AGBL5: variants seen among roughly 807,000 people sequenced by gnomAD.
AGBL5 encodes the protein AGBL carboxypeptidase 5, also known as cytosolic carboxypeptidase-like protein 5.
AGBL5 carries 51 observed loss-of-function variants against 88.0 expected under a neutral mutation model. That is an observed-to-expected ratio of 0.58 (90% CI 0.46 to 0.73). The LOEUF (loss-of-function observed/expected upper bound fraction) is 0.73, where lower values mean the gene tolerates loss of function less well. Ranked by LOEUF, AGBL5 falls within the 30% of genes least tolerant of loss-of-function variation. The pLI is 0.00. For synonymous variants in AGBL5, 446 were observed against 438.8 expected (o/e 1.02, Z -0.21); for missense variants, 1,031 against 1,162.2 (o/e 0.89, Z 1.64).
chr2:27,060,512 A>T (rs1051938067), intron 11 of AGBL5, among the ~76,000 whole-genome samples: 2 of 152,228 alleles, frequency 1.3e-5, no homozygotes, highest in Non-Finnish European at 2.9e-5. Context: ...TCTTGCCCAG[A>T]GTATGGAGGC....
At chr2:27,060,242 C>T (rs967025366) in intron 11 of AGBL5, among the ~76,000 whole-genome samples, 1 of 152,182 alleles carries the variant, frequency 6.6e-6, no homozygotes, top group Non-Finnish European at 1.5e-5. Context: ...GTATAAAATG[C>T]AGCAGTCTAG....
intron 6 of AGBL5, 87 bp from the exon 7 acceptor site, chr2:27,055,595 C>T: frequency 8.1e-7 from 1 of 1,227,844 alleles, no homozygotes; most frequent in Non-Finnish European, 1.1e-6. Context: ...ATAAGTCAGT[C>T]TCCTACGGTC....
In AGBL5 at chr2:27,057,342, A is replaced by G. The variant is rs1408422244; in HGVS notation, c.1575A>G (p.Val525=). The G allele has an allele frequency of 8.1e-6, 13 of 1,614,096 alleles. No individual in the cohort carries two copies. Among genetic ancestry groups the G allele is most frequent in the Non-Finnish European group, 1.1e-5 (13 of 1,179,968 alleles). ...GCAACTACAACACTGGACGCTCAGT[A>G]AACAGCATCCCTGCTGCCTGCCATG... is the stretch of plus-strand genomic sequence containing the variant. The part of the protein sequence containing the change: ...LECNYNTGRS[V]NSIPAACHDN... The change falls in exon 9 of 15, where the codon GTA becomes GTG. Residue 525 remains valine (V), a synonymous_variant. Transcript: ENST00000360131.
At chr2:27,057,118 G>A (rs923873303) in intron 8 of AGBL5, 185 bp from the exon 9 acceptor site, 11 of 622,110 alleles carry the variant, frequency 1.8e-5, no homozygotes, top group Non-Finnish European at 2.7e-5. Context: ...CTCTACCTTG[G>A]GGGGACTCTC....
rs1668548337 is a variant in AGBL5, at chr2:27,058,473, A to G, written c.1745A>G (p.Glu582Gly). 3 of 1,614,128 alleles carry G rather than the reference A, an allele frequency of 1.9e-6. No individual in the cohort carries two copies. Among genetic ancestry groups the G allele is most frequent in the Non-Finnish European group, 2.5e-6 (3 of 1,180,034 alleles). ...CCGTGGCCCCGAATTGTACTGTCAG[A>G]GCACAGCAGCCTTACTAATCTACGG... ...CNPWPRIVLS[E>G]HSSLTNLRAW... is the part of the protein sequence containing the mutation. The change falls in exon 10 of 15, where the codon GAG (glutamate) becomes GGG (glycine). Residue 582 changes from glutamate (E) to glycine (G), a missense_variant. Physicochemically the swap from Glu to Gly is moderately conservative, Grantham distance 98. Transcript: ENST00000360131.
chr2:27,054,776 C>T lies in AGBL5; in HGVS notation c.698C>T (p.Thr233Ile). Residue 233 changes from threonine to isoleucine, a missense_variant, in exon 5 of 15, where the codon ACC (threonine) becomes ATC (isoleucine). Physicochemically the swap from Thr to Ile is moderately conservative, Grantham distance 89. Transcript: ENST00000360131. Reference sequence around the variant, plus strand: ...GAGCAGCTATTTCCTGATACCAGCACCCCTCGACCATTCCGTTTCGCAGGC... The same window carrying T: ...GAGCAGCTATTTCCTGATACCAGCATCCCTCGACCATTCCGTTTCGCAGGC... ...RLEQLFPDTS[T>I]PRPFRFAGKR... is the part of the protein sequence containing the mutation. 6.2e-7 allele frequency: 1 copy of T among 1,613,236 alleles called. No individual in the cohort carries two copies.
chr2:27,051,192 G>C (rs560434861), upstream of AGBL5, among the ~76,000 whole-genome samples: 1 of 152,156 alleles, frequency 6.6e-6, no homozygotes, highest in Non-Finnish European at 1.5e-5. Flanking sequence ...GTAAGGCAAA[G>C]GGAAAGAACT....
chr2:27,059,981 T>G (rs544959277), intron 11 of AGBL5, among the ~76,000 whole-genome samples: 41 of 152,308 alleles, frequency 2.7e-4, no homozygotes, highest in Admixed American at 2.4e-3. Flanking sequence ...AAACCCCGTC[T>G]CTATTAAAAA....
rs766046695 is a variant in AGBL5, at chr2:27,055,066, C to CTT, written c.730-8_730-7insTT. ...ACTGACTTAATGTCTGCTCTCCTCT[C>CTT]TACCTCAGATATTCTTCTTAAGCAG... is the stretch of plus-strand genomic sequence containing the variant. On this transcript the variant is annotated splice_polypyrimidine_tract_variant and intron_variant, in intron 5 of 14. Coordinates refer to ENST00000360131, the MANE Select transcript of AGBL5 (RefSeq NM_021831.6). 1 of 1,613,142 alleles carries CTT rather than the reference C, an allele frequency of 6.2e-7. No individual in the cohort carries two copies. The highest frequency in any genetic ancestry group is 1.1e-5 in the South Asian group (1 of 91,046).
chr2:27,054,703 A>C lies in AGBL5; in HGVS notation c.625A>C (p.Thr209Pro). The change falls in exon 5 of 15, where the codon ACG becomes CCG. Residue 209 changes from threonine (T) to proline (P), a missense_variant. Around this residue, in one of 2 missense-constraint regions of AGBL5, gnomAD observed 540 missense variants for 678.2 expected, o/e 0.80. Transcript: ENST00000360131. ...SLDGLRVDLLTITSCHGLRED... is the reference protein window; with the variant it reads ...SLDGLRVDLLPITSCHGLRED... ...GGATGGACTTCGTGTAGATCTGCTG[A>C]CGATCACTTCCTGCCATGGGCTTCG... The C allele has an allele frequency of 6.7e-7, 1 of 1,485,368 alleles. No individual in the cohort carries two copies. Among genetic ancestry groups the C allele is most frequent in the Admixed American group, 2.0e-5 (1 of 50,234 alleles). 92.0% of individuals were successfully genotyped at this position (1,485,368 alleles called of 1,614,324 possible).
intron 13 of AGBL5, 113 bp downstream of exon 13, chr2:27,068,857 G>A: frequency 6.6e-7 from 1 of 1,520,114 alleles, no homozygotes; most frequent in East Asian, 2.4e-5. Flanking sequence ...TCTACCCTTG[G>A]CCACATCAGA....
intron 9 of AGBL5, among the ~76,000 whole-genome samples, chr2:27,057,934 G>C (rs945005064): frequency 9.2e-5 from 14 of 152,104 alleles, no homozygotes; most frequent in African/African-American, 3.4e-4. Context: ...AAATTAACTG[G>C]GCATAGTGGC....
intron 14 of AGBL5, 46 bp from the exon 15 acceptor site, chr2:27,070,046 G>A: frequency 6.3e-7 from 1 of 1,584,144 alleles, no homozygotes. Flanking sequence ...AACAGAAGAG[G>A]AGGAGAGTTT....
chr2:27,054,507 G>A (rs1385429018), intron 4 of AGBL5, 123 bp from the exon 5 acceptor site: 1 of 863,058 alleles, frequency 1.2e-6, no homozygotes, highest in South Asian at 1.7e-5. Context: ...CATTGTGAGG[G>A]ACTATAAGGC....
intron 13 of AGBL5, chr2:27,068,967 T>C: frequency 1.3e-6 from 2 of 1,487,482 alleles, no homozygotes; most frequent in East Asian, 2.7e-5. Flanking sequence ...CCTGTGTCCC[T>C]GCCAGATATA....
At chr2:27,069,803 T>G in intron 14 of AGBL5, 97 bp downstream of exon 14, 3 of 1,509,036 alleles carry the variant, frequency 2.0e-6, no homozygotes, top group Non-Finnish European at 2.7e-6. Flanking sequence ...CCCTACTCCT[T>G]TTGAGCACAA....
At position 27,053,495 on chromosome 2, in the gene AGBL5, C is replaced by T. The variant is rs1286531759; in HGVS notation, c.309C>T (p.Ser103=). The T allele has an allele frequency of 6.2e-7, 1 of 1,614,136 alleles. No individual in the cohort carries two copies. The highest frequency in any genetic ancestry group is 8.5e-7 in the Non-Finnish European group (1 of 1,180,044). Residue 103 remains serine (S), a synonymous_variant, in exon 3 of 15, where the codon TCC becomes TCT. Transcript: ENST00000360131. This position sits in a 1 kb window ranked among gnomAD's most constrained non-coding sequence, Gnocchi z 4.9. ...MNMNKQSKLY[S]QGMAPFVRTL... is the part of the protein sequence containing the mutation. The stretch of plus-strand genomic sequence containing the variant: ...TGAACAAGCAGAGCAAGCTGTATTC[C>T]CAGGGCATGGCCCCCTTTGTGCGCA...
rs570149237 is a variant in AGBL5, at chr2:27,068,718, A to T, written c.2329A>T (p.Met777Leu). 8.1e-6 allele frequency: 13 copies of T among 1,614,164 alleles called. No individual in the cohort carries two copies. The highest frequency in any genetic ancestry group is 1.3e-5 in the African/African-American group (1 of 75,046). The change falls in exon 13 of 15, where the codon ATG becomes TTG. Residue 777 changes from methionine to leucine, a missense_variant. Around this residue, in one of 2 missense-constraint regions of AGBL5, gnomAD observed 491 missense variants for 484.0 expected, o/e 1.01. Transcript: ENST00000360131. ...AGGTCTGCTAGGGACTGGAGCTCGGATGCCCTGCATCAAGACTCGATTGCA... is the reference window on the plus strand; with the variant it reads ...AGGTCTGCTAGGGACTGGAGCTCGGTTGCCCTGCATCAAGACTCGATTGCA... ...GKGLLGTGAR[M>L]PCIKTRLQAR... is the part of the protein sequence containing the mutation.
intron 13 of AGBL5, chr2:27,069,031 CCT>C (rs1461796895): frequency 1.4e-6 from 2 of 1,397,742 alleles, no homozygotes; most frequent in Non-Finnish European, 1.9e-6. Context: ...CTTAGCTTCT[CCT>C]CTCTTTCTGC....
Sources: gnomAD v4.1 joint callset for allele counts (sites outside exome capture counted in the v4.1 genomes callset) on GRCh38, gnomAD v4.1.1 for gene constraint, gnomAD v4.1.1 regional missense constraint, Gnocchi (gnomAD v3.1) non-coding constraint, MANE v1.5 for transcripts, NCBI Gene and HGNC (gene_info 2026-07-23, HGNC 2026-07-21) for gene names.